IL23R: variants seen among roughly 807,000 people sequenced by gnomAD.
IL23R encodes the protein interleukin 23 receptor, also known as interleukin-23 receptor.
In IL23R, 34 loss-of-function variants were observed where a neutral mutation model predicts 56.9. That is an observed-to-expected ratio of 0.60 (90% CI 0.45 to 0.80). IL23R has a LOEUF of 0.80. Ranked by LOEUF, IL23R falls within the 30% of genes least tolerant of loss-of-function variation. The pLI is 0.00. For missense variants in IL23R, 635 were observed against 730.0 expected (o/e 0.87, Z 1.50); for synonymous variants, 230 against 249.2 (o/e 0.92, Z 0.73).
At chr1:67,217,508 G>T (rs958877969) in intron 6 of IL23R, among the ~76,000 whole-genome samples, 2 of 151,978 alleles carry the variant, frequency 1.3e-5, no homozygotes, top group Middle Eastern at 3.2e-3. Flanking sequence ...AAACATATTG[G>T]AGACTAACAA....
At chr1:67,240,369 A>C (rs1194116583) in intron 9 of IL23R, 88 bp downstream of exon 9, 13 of 802,148 alleles carry the variant, frequency 1.6e-5, no homozygotes, top group Non-Finnish European at 2.8e-5. Context: ...TTTACTAGAA[A>C]AATCTGTTAA....
chr1:67,150,653 A>AAAG (rs1646720451), intron 1 of IL23R, among the ~76,000 whole-genome samples: 1 of 57,258 alleles, frequency 1.7e-5, no homozygotes, highest in Non-Finnish European at 3.7e-5. Flanking sequence ...AACTTAAAGT[A>AAAG]AAAAAAAAAA....
In IL23R at chr1:67,204,291, C is replaced by A. The variant is rs368270378; in HGVS notation, c.653-2619C>A. 3.0e-4 allele frequency among the ~76,000 whole-genome samples: 45 copies of A among 152,288 alleles called. 2 individuals carry two copies. In the East Asian group the frequency reaches 6.8e-3, roughly 23 times the overall value. ...TGTTAGCCAGGATGGTCTCGATCTC[C>A]TGACCTCATGATCGGCCCGCCTCGA... On this transcript the variant is annotated intron_variant, in intron 5 of 10. Coordinates refer to ENST00000347310, the MANE Select transcript of IL23R (RefSeq NM_144701.3).
chr1:67,208,893 T>C (rs543771774), intron 6 of IL23R, among the ~76,000 whole-genome samples: 139 of 152,190 alleles, frequency 9.1e-4, no homozygotes, highest in Non-Finnish European at 1.7e-3. Flanking sequence ...AGACACTCAA[T>C]ACCAGCCCAT....
chr1:67,163,468 CAAAAAAAAAAAAAAAA>C (rs57495148), upstream of IL23R, among the ~76,000 whole-genome samples: 1 of 49,586 alleles, frequency 2.0e-5, no homozygotes, highest in Non-Finnish European at 3.2e-5. Flanking sequence ...GACCCTGTCT[CAAAAAAAAAAAAAAAA>C]AAAAAAAAAA....
chr1:67,222,505 TGGA>T (rs1386659061), intron 7 of IL23R, among the ~76,000 whole-genome samples: 1 of 152,264 alleles, frequency 6.6e-6, no homozygotes, highest in Non-Finnish European at 1.5e-5. Context: ...TAACAATTCG[TGGA>T]CTTTAGATGC....
chr1:67,141,893 G>T (rs1646641437), intron 1 of IL23R, among the ~76,000 whole-genome samples: 1 of 152,176 alleles, frequency 6.6e-6, no homozygotes, highest in Non-Finnish European at 1.5e-5. Flanking sequence ...CGTGGGGCAG[G>T]GGGAGATTTG....
Position 67,258,628 on chromosome 1 carries a change from C to A in IL23R, c.1390C>A (p.Pro464Thr). ...NTGPLETRDY[P>T]QNSLFDNTTV... is the part of the protein sequence containing the mutation. ...AGGACCCCTGGAGACAAGAGACTAC[C>A]CGCAAAACTCGCTATTCGACAATAC... The change falls in exon 11 of 11, where the codon CCG becomes ACG. Residue 464 changes from proline to threonine, a missense_variant. Physicochemically the swap from Pro to Thr is conservative, Grantham distance 38 (BLOSUM62 -1). Transcript: ENST00000347310. The A allele has an allele frequency of 6.2e-7, 1 of 1,613,838 alleles. No individual in the cohort carries two copies. The highest frequency in any genetic ancestry group is 8.5e-7 in the Non-Finnish European group (1 of 1,179,926).
chr1:67,163,079 A>G (rs1396641828), upstream of IL23R, among the ~76,000 whole-genome samples: 1 of 152,174 alleles, frequency 6.6e-6, no homozygotes, highest in Non-Finnish European at 1.5e-5. Flanking sequence ...GTGATGATTC[A>G]ATCTTTTTTC....
intron 4 of IL23R, among the ~76,000 whole-genome samples, chr1:67,199,894 T>C (rs1037374934): frequency 6.6e-6 from 1 of 152,134 alleles, no homozygotes; most frequent in Middle Eastern, 3.2e-3. Context: ...AGCGTTTTTG[T>C]CCAGGCACAG....
At chr1:67,201,567 A>C (rs1318237785) in intron 5 of IL23R, among the ~76,000 whole-genome samples, 2 of 151,384 alleles carry the variant, frequency 1.3e-5, no homozygotes, top group African/African-American at 4.8e-5. Flanking sequence ...AAAAAAAAAC[A>C]AAAAAACACT....
chr1:67,169,327 T>C lies in IL23R; in HGVS notation c.71-15T>C, dbSNP rs1187575324. The C allele has an allele frequency of 6.3e-7, 1 of 1,582,038 alleles. No individual in the cohort carries two copies. The highest frequency in any genetic ancestry group is 1.1e-5 in the South Asian group (1 of 88,342). The stretch of plus-strand genomic sequence containing the variant: ...TGTTTTACGTGTAATTTATTATTTT[T>C]CCATTTATTTCTAGGAATTACAAAT... On this transcript the variant is annotated splice_polypyrimidine_tract_variant and intron_variant, in intron 2 of 10. Transcript: ENST00000347310.
downstream of IL23R, among the ~76,000 whole-genome samples, chr1:67,261,475 A>T (rs1462216402): frequency 6.6e-6 from 1 of 151,382 alleles, no homozygotes; most frequent in African/African-American, 2.4e-5. Context: ...TATCCCCCAG[A>T]TAAACTCTAT....
At chr1:67,227,998 C>CT (rs534970179) in intron 7 of IL23R, among the ~76,000 whole-genome samples, 4 of 99,502 alleles carry the variant, frequency 4.0e-5, no homozygotes, top group African/African-American at 1.3e-4. Flanking sequence ...TTCTTTCTTT[C>CT]TTTCTTTCTT....
At chr1:67,217,892 C>A (rs995513319) in intron 6 of IL23R, among the ~76,000 whole-genome samples, 11 of 151,200 alleles carry the variant, frequency 7.3e-5, no homozygotes, top group Non-Finnish European at 1.2e-4. Context: ...GAGGTTGATA[C>A]CTCATTCTTT....
rs3052947 is a variant in IL23R at position 67,218,326 on chromosome 1, A to ATG, written c.799-1216_799-1215dup. Among the ~76,000 whole-genome samples, 1,223 of 124,780 alleles carry ATG rather than the reference A, an allele frequency of 9.8e-3. 17 individuals are homozygous for ATG. Among genetic ancestry groups the ATG allele is most frequent in the Middle Eastern group, 0.037 (9 of 240 alleles). 81.9% of individuals were successfully genotyped at this position (124,780 alleles called of 152,430 possible). On this transcript the variant is annotated intron_variant, in intron 6 of 10. Transcript: ENST00000347310. ...TATACATATATACACATATATGCAT[A>ATG]TGTGTGTGTGTGTGTGTGTGTGTGT...
intron 6 of IL23R, among the ~76,000 whole-genome samples, chr1:67,218,960 C>T (rs991456181): frequency 3.3e-5 from 5 of 150,372 alleles, no homozygotes; most frequent in Non-Finnish European, 7.4e-5. Flanking sequence ...TATATATATA[C>T]ACACACACAC....
Position 67,240,184 on chromosome 1 carries a change from A to G in IL23R, c.1051A>G (p.Arg351Gly). ...TTTTTCTTTCCTTTCATTAGACAACAGAGGAGACATTGGACTTTTATTGGG... is the reference window on the plus strand; with the variant it reads ...TTTTTCTTTCCTTTCATTAGACAACGGAGGAGACATTGGACTTTTATTGGG... ...ISTGHLTSDN[R>G]GDIGLLLGMI... Residue 351 changes from arginine to glycine, a missense_variant, in exon 9 of 11, where the codon AGA (arginine) becomes GGA (glycine). By Grantham distance (125) the Arg-to-Gly change is moderately radical. Transcript: ENST00000347310. 6.3e-7 allele frequency: 1 copy of G among 1,599,028 alleles called. No individual in the cohort carries two copies. The highest frequency in any genetic ancestry group is 8.6e-7 in the Non-Finnish European group (1 of 1,166,402).
At chr1:67,228,380 T>TTTTTTTTTTTTTG (rs1650882799) in intron 7 of IL23R, among the ~76,000 whole-genome samples, 1 of 123,326 alleles carries the variant, frequency 8.1e-6, no homozygotes, top group African/African-American at 3.2e-5. Context: ...TTTTTTTTTG[T>TTTTTTTTTTTTTG]AGAGACAGGG....
Sources: gnomAD v4.1 joint callset for allele counts (sites outside exome capture counted in the v4.1 genomes callset) on GRCh38, gnomAD v4.1.1 for gene constraint, MANE v1.5 for transcripts, NCBI Gene and HGNC (gene_info 2026-07-23, HGNC 2026-07-21) for gene names.